The following BOD1L1 variants were observed in gnomAD, a reference collection of about 807,000 sequenced individuals.
The protein encoded by BOD1L1 is biorientation of chromosomes in cell division 1 like 1.
BOD1L1 carries 86 observed loss-of-function variants against 240.7 expected under a neutral mutation model. The ratio of observed to expected loss-of-function variants is 0.36; its 90% CI spans 0.30 to 0.43. The LOEUF is 0.43. Ranked by LOEUF, BOD1L1 falls within the 20% of genes least tolerant of loss-of-function variation. The pLI, the probability that BOD1L1 is intolerant of heterozygous loss-of-function variation, is 1.00. For synonymous variants in BOD1L1, 1,268 were observed against 1,272.3 expected (o/e 1.00, Z 0.07); for missense variants, 3,554 against 3,643.5 (o/e 0.98, Z 0.63).
At position 13,611,099 on chromosome 4, in the gene BOD1L1, A is replaced by G. The variant is rs112137552; in HGVS notation, c.1326T>C (p.Asp442=). The change falls in exon 6 of 26, where the codon GAT becomes GAC. Residue 442 remains aspartate (D), a splice_region_variant and synonymous_variant. Transcript: ENST00000040738. ...TTTTATTCTGTTTGTTCTTCTCTTCATCTGTAAGAAAGTTAATAGAAAGAG... is the reference window on the plus strand; with the variant it reads ...TTTTATTCTGTTTGTTCTTCTCTTCGTCTGTAAGAAAGTTAATAGAAAGAG... ...SMEEGEITSD[D]EEKNKQNKTK... is the part of the protein sequence containing the mutation. 1.1e-4 allele frequency: 169 copies of G among 1,592,200 alleles called. No individual in the cohort carries two copies. The African/African-American group carries it at 1.9e-3, about 18-fold the overall frequency.
Position 13,627,445 on chromosome 4 carries a change from GCGCCCGCACCCGCGC to G in BOD1L1, c.128_142del (p.Gly43_Gly47del). On this transcript the variant is annotated inframe_deletion, in exon 1 of 26. Coordinates refer to ENST00000040738, the MANE Select transcript of BOD1L1 (RefSeq NM_148894.3). The stretch of plus-strand genomic sequence containing the variant: ...CATGGCCACGAGCTGCGGGTCCCCG[GCGCCCGCACCCGCGC>G]CGCCCGCCCCGCCCGCGCCGGGGCC... 1 of 1,271,740 alleles carries G rather than the reference GCGCCCGCACCCGCGC, an allele frequency of 7.9e-7. No homozygotes were observed. Among genetic ancestry groups the G allele is most frequent in the Non-Finnish European group, 1.0e-6 (1 of 995,358 alleles). 78.8% of individuals were successfully genotyped at this position (1,271,740 alleles called of 1,614,324 possible).
Position 13,627,381 on chromosome 4 carries a change from C to A in BOD1L1, c.207G>T (p.Gln69His), listed in dbSNP as rs756390728. ...NHLKSQGLFD[Q>H]FRRDCLADVD... is the part of the protein sequence containing the mutation. ...CGTCGGCCAGGCAGTCTCTGCGGAA[C>A]TGGTCGAAGAGCCCCTGGCTCTTGA... Residue 69 changes from glutamine to histidine, a missense_variant, in exon 1 of 26, where the codon CAG (glutamine) becomes CAT (histidine). By Grantham distance (24) the Gln-to-His change is conservative. Transcript: ENST00000040738. The A allele has an allele frequency of 7.3e-7, 1 of 1,372,708 alleles. No homozygotes were observed. Among genetic ancestry groups the A allele is most frequent in the South Asian group, 2.1e-5 (1 of 46,644 alleles). The allele number at this position is 1,372,708 out of a possible 1,614,324, so 85.0% of individuals were successfully genotyped here.
At position 13,600,749 on chromosome 4, in the gene BOD1L1, C is replaced by T. The variant is rs1715069281; in HGVS notation, c.6151G>A (p.Ala2051Thr). Residue 2051 changes from alanine (A) to threonine (T), a missense_variant, in exon 10 of 26, where the codon GCC becomes ACC. Ala to Thr is a moderately conservative substitution (Grantham distance 58, BLOSUM62 0). This residue lies in a region of BOD1L1 where 3,393 missense variants were observed against 3,427.1 expected (regional missense o/e 0.99). Coordinates refer to ENST00000040738, the MANE Select transcript of BOD1L1 (RefSeq NM_148894.3). ...TTCTGGTTGGTAATATCACCACTGG[C>T]TGTAGTTGCCATGAGACCATCACAC... ...EECDGLMATT[A>T]SGDITNQNSL... is the part of the protein sequence containing the mutation. 2 of 1,614,044 alleles carry T rather than the reference C, an allele frequency of 1.2e-6. No homozygotes were observed. Among genetic ancestry groups the T allele is most frequent in the Non-Finnish European group, 1.7e-6 (2 of 1,179,892 alleles).
intron 10 of BOD1L1, 36 bp from the exon 11 acceptor site, chr4:13,597,204 ATTTGC>A (rs1171327883): frequency 1.8e-5 from 28 of 1,524,380 alleles, no homozygotes; most frequent in Non-Finnish European, 2.2e-5. Flanking sequence ...CAGTTTAAGA[ATTTGC>A]TTGCAAAATA....
At chr4:13,597,442 G>C (rs1714717745) in intron 10 of BOD1L1, among the ~76,000 whole-genome samples, 1 of 152,204 alleles carries the variant, frequency 6.6e-6, no homozygotes, top group Non-Finnish European at 1.5e-5. Context: ...TATCTGTGGA[G>C]ACATCTTCAT....
rs202092341 is a variant in BOD1L1, at chr4:13,605,048, G to A, written c.1852C>T (p.Leu618=). Residue 618 remains leucine, a synonymous_variant, in exon 10 of 26, where the codon CTG becomes TTG. Transcript: ENST00000040738. ...EKEKISSSKE[L]KHVHAKSEPS... ...TCACTTTTTGCATGAACATGCTTCA[G>A]CTCCTTTGAAGAAGAAATTTTTTCC... is the stretch of plus-strand genomic sequence containing the variant. The A allele has an allele frequency of 1.0e-5, 16 of 1,574,878 alleles. No individual in the cohort carries two copies. In the Middle Eastern group the frequency reaches 6.8e-4, roughly 67 times the overall value.
rs753041455 is a variant in BOD1L1 at position 13,602,413 on chromosome 4, T to G, written c.4487A>C (p.His1496Pro). 23 of 1,613,912 alleles carry G rather than the reference T, an allele frequency of 1.4e-5. No homozygotes were observed. Among genetic ancestry groups the G allele is most frequent in the Non-Finnish European group, 1.9e-5 (22 of 1,179,896 alleles). Residue 1496 changes from histidine to proline, a missense_variant, in exon 10 of 26, where the codon CAC (histidine) becomes CCC (proline). Physicochemically the swap from His to Pro is moderately conservative, Grantham distance 77. Transcript: ENST00000040738. ...AGSGSAPSVL[H>P]QRNGQTEDVA... is the part of the protein sequence containing the mutation. ...ATCCTCAGTTTGTCCGTTCCTTTGG[T>G]GTAAAACAGAGGGTGCAGAGCCACT...
At chr4:13,621,234 G>T (rs991912027) in intron 1 of BOD1L1, among the ~76,000 whole-genome samples, 2 of 152,190 alleles carry the variant, frequency 1.3e-5, no homozygotes, top group African/African-American at 4.8e-5. Context: ...TCCCAACACT[G>T]ATGTTCTTTC....
At chr4:13,594,778 C>T (rs1437274499) in intron 12 of BOD1L1, among the ~76,000 whole-genome samples, 1 of 152,012 alleles carries the variant, frequency 6.6e-6, no homozygotes, top group African/African-American at 2.4e-5. Context: ...GCCTGTAATC[C>T]CAGCTACTCA....
intron 25 of BOD1L1, chr4:13,572,802 G>C (rs907844493): frequency 7.8e-7 from 1 of 1,289,672 alleles, no homozygotes; most frequent in Non-Finnish European, 1.0e-6. Flanking sequence ...GGGCTGCCAA[G>C]TTTGGATGTT....
chr4:13,614,079 TAAGTTTCCAA>T, intron 4 of BOD1L1, 107 bp downstream of exon 4: 1 of 948,080 alleles, frequency 1.1e-6, no homozygotes, highest in Non-Finnish European at 1.5e-6. Flanking sequence ...AAAGGGGATA[TAAGTTTCCAA>T]AAGTATTAAA....
chr4:13,615,165 G>T lies in BOD1L1; in HGVS notation c.559+147C>A, dbSNP rs1393480338. 12 of 794,666 alleles carry T rather than the reference G, an allele frequency of 1.5e-5. No individual in the cohort carries two copies. In the Admixed American group the frequency reaches 2.1e-4, roughly 14 times the overall value. 49.2% of individuals were successfully genotyped at this position (794,666 alleles called of 1,614,324 possible). On this transcript the variant is annotated intron_variant, in intron 3 of 25. Transcript: ENST00000040738. ...TTAATCTAGAAAACGAAATGTTATG[G>T]CAATTGAGGAATTTAGGTGATATTT... is the stretch of plus-strand genomic sequence containing the variant.
intron 22 of BOD1L1, among the ~76,000 whole-genome samples, chr4:13,579,381 C>A (rs146927131): frequency 1.4e-3 from 214 of 152,312 alleles, no homozygotes; most frequent in African/African-American, 5.0e-3. Context: ...GAAGTACGAT[C>A]ACACATAGTT....
At chr4:13,611,173 G>C (rs1716140885) in intron 5 of BOD1L1, 73 bp from the exon 6 acceptor site, 1 of 1,102,390 alleles carries the variant, frequency 9.1e-7, no homozygotes, top group South Asian at 1.7e-5. Flanking sequence ...TGTACAAGCA[G>C]TAAAGGCAAG....
intron 17 of BOD1L1, among the ~76,000 whole-genome samples, chr4:13,583,758 G>A (rs1338262977): frequency 6.6e-6 from 1 of 152,092 alleles, no homozygotes; most frequent in African/African-American, 2.4e-5. Flanking sequence ...TGTCTTATGG[G>A]GTTTTTTGTT....
intron 10 of BOD1L1, 92 bp from the exon 11 acceptor site, chr4:13,597,260 T>A (rs765373820): frequency 1.1e-6 from 1 of 910,632 alleles, no homozygotes; most frequent in Non-Finnish European, 1.8e-6. Flanking sequence ...TTATCTGACA[T>A]GCTGTTGCAC....
intron 25 of BOD1L1, among the ~76,000 whole-genome samples, chr4:13,576,408 T>C (rs1001654318): frequency 1.3e-5 from 2 of 152,130 alleles, no homozygotes; most frequent in African/African-American, 4.8e-5. Flanking sequence ...GATCAACCTA[T>C]TGCATAGCAC....
chr4:13,602,248 G>C lies in BOD1L1; in HGVS notation c.4652C>G (p.Ala1551Gly). Residue 1551 changes from alanine (A) to glycine (G), a missense_variant, in exon 10 of 26, where the codon GCT becomes GGT. Ala to Gly is a moderately conservative substitution (Grantham distance 60). Transcript: ENST00000040738. ...TGCCTCAATGCTGGTGCAAGGCAAA[G>C]CCACCTCACTTTGTCTTGTTTCTGA... ...TSSETRQSEV[A>G]LPCTSIEADE... 6.2e-7 allele frequency: 1 copy of C among 1,613,908 alleles called. No homozygotes were observed. Among genetic ancestry groups the C allele is most frequent in the Non-Finnish European group, 8.5e-7 (1 of 1,179,842 alleles).
chr4:13,603,436 T>A lies in BOD1L1; in HGVS notation c.3464A>T (p.Lys1155Ile). 1 of 1,613,510 alleles carries A rather than the reference T, an allele frequency of 6.2e-7. No homozygotes were observed. Among genetic ancestry groups the A allele is most frequent in the Non-Finnish European group, 8.5e-7 (1 of 1,179,774 alleles). The change falls in exon 10 of 26, where the codon AAA (lysine) becomes ATA (isoleucine). Residue 1155 changes from lysine to isoleucine, a missense_variant. Around this residue, in one of 2 missense-constraint regions of BOD1L1, gnomAD observed 3,393 missense variants for 3,427.1 expected, o/e 0.99. Transcript: ENST00000040738. Reference sequence around the variant, plus strand: ...TTGAACAGTGGCAGAAGTTTTTTGTTTCATATTTTCAGAGTCAATGTCTTG... The same window carrying A: ...TTGAACAGTGGCAGAAGTTTTTTGTATCATATTTTCAGAGTCAATGTCTTG... Reference protein sequence around the residue: ...SQQDIDSENMKQKTSATVQKD... With the variant: ...SQQDIDSENMIQKTSATVQKD...
Sources: gnomAD v4.1 joint callset for allele counts (sites outside exome capture counted in the v4.1 genomes callset) on GRCh38, gnomAD v4.1.1 for gene constraint, gnomAD v4.1.1 regional missense constraint, MANE v1.5 for transcripts, NCBI Gene and HGNC (gene_info 2026-07-23, HGNC 2026-07-21) for gene names.